METTL3: variants seen among roughly 807,000 people sequenced by gnomAD.
METTL3 encodes N(6)-adenosine-methyltransferase catalytic subunit METTL3.
Under a neutral mutation model 64.3 loss-of-function variants are expected in METTL3, and 42 were observed. That is an observed-to-expected ratio of 0.65 (90% CI 0.51 to 0.84). The LOEUF (loss-of-function observed/expected upper bound fraction) is 0.84. Among genes scored for constraint, METTL3 ranks in the 40% least tolerant of loss-of-function variants. The pLI is 0.00. For missense variants in METTL3, 435 were observed against 722.3 expected (o/e 0.60, Z 4.56); for synonymous variants, 256 against 263.6 (o/e 0.97, Z 0.28).
At chr14:21,501,958 A>C in intron 3 of METTL3, 55 bp from the exon 4 acceptor site, 1 of 1,505,872 alleles carries the variant, frequency 6.6e-7, no homozygotes, top group Non-Finnish European at 9.1e-7. Context: ...ATTGGCTCTT[A>C]GACCAACTCC....
In METTL3 at chr14:21,501,765, T is replaced by C. The variant is rs1194701276; in HGVS notation, c.862A>G (p.Ser288Gly). 5.6e-6 allele frequency: 9 copies of C among 1,614,098 alleles called. No individual in the cohort carries two copies. The highest frequency in any genetic ancestry group is 2.7e-5 in the African/African-American group (2 of 74,932). Residue 288 changes from serine to glycine, a missense_variant, in exon 4 of 11, where the codon AGT (serine) becomes GGT (glycine). Coordinates refer to ENST00000298717, the MANE Select transcript of METTL3 (RefSeq NM_019852.5). Reference protein sequence around the residue: ...YGTKEECMKASDADRPCRKLH... With the variant: ...YGTKEECMKAGDADRPCRKLH... ...TTGCGACAGGGTCGATCAGCATCAC[T>C]GGCTTTCATGCACTCCTCCTTGGTT...
chr14:21,498,180 C>G lies in METTL3; in HGVS notation c.*78G>C. 1.2e-6 allele frequency: 1 copy of G among 839,312 alleles called. No individual in the cohort carries two copies. The highest frequency in any genetic ancestry group is 2.4e-5 in the East Asian group (1 of 41,066). The allele number at this position is 839,312 out of a possible 1,614,324, so 52.0% of individuals were successfully genotyped here. A position where few individuals can be genotyped will look rare whatever the true frequency, so the allele number is the denominator to read the frequency against. On this transcript the variant is annotated 3_prime_UTR_variant, in exon 11 of 11. Coordinates refer to ENST00000298717, the MANE Select transcript of METTL3 (RefSeq NM_019852.5). Reference sequence around the variant, plus strand: ...ATGTTTATTTAAATAAAGAAGAAAGCTATTGTACAAATATCACTCTTCAGG... The same window carrying G: ...ATGTTTATTTAAATAAAGAAGAAAGGTATTGTACAAATATCACTCTTCAGG...
At position 21,511,233 on chromosome 14, in the gene METTL3, C is replaced by A; in HGVS notation, c.-10G>T. 1 of 1,612,382 alleles carries A rather than the reference C, an allele frequency of 6.2e-7. No homozygotes were observed. On this transcript the variant is annotated 5_prime_UTR_variant, in exon 1 of 11. Coordinates refer to ENST00000298717, the MANE Select transcript of METTL3 (RefSeq NM_019852.5). ...TCCACGTGTCCGACATCCTAGTCTC[C>A]CAGCCCTGACACCTCTCGAATAAGG...
rs913395624 is a variant in METTL3, at chr14:21,504,094, C to G, written c.101-213G>C. 5 of 552,962 alleles carry G rather than the reference C, an allele frequency of 9.0e-6. No homozygotes were observed. The African/African-American group carries it at 9.4e-5, about 10-fold the overall frequency. 34.3% of individuals were successfully genotyped at this position (552,962 alleles called of 1,614,324 possible). A position where few individuals can be genotyped will look rare whatever the true frequency, so the allele number is the denominator to read the frequency against. On this transcript the variant is annotated intron_variant, in intron 1 of 10. Coordinates refer to ENST00000298717, the MANE Select transcript of METTL3 (RefSeq NM_019852.5). ...ATACTGGATTTTCTATCTACCTTTT[C>G]TCTATTGAGTGAGTAATCTTTTCCT... is the stretch of plus-strand genomic sequence containing the variant.
intron 1 of METTL3, chr14:21,504,155 A>G: frequency 2.5e-6 from 1 of 403,434 alleles, no homozygotes; most frequent in Non-Finnish European, 4.6e-6. Context: ...AAGAAAGTAA[A>G]TTAGCATGAT....
At chr14:21,501,412 A>C (rs933677379) in intron 4 of METTL3, 2 of 547,140 alleles carry the variant, frequency 3.7e-6, no homozygotes, top group Non-Finnish European at 6.5e-6. Context: ...CTGACCTAAG[A>C]GTTTAGGTTC....
chr14:21,502,900 A>G (rs950471625), intron 3 of METTL3: 1 of 362,182 alleles, frequency 2.8e-6, no homozygotes, highest in Non-Finnish European at 5.0e-6. Context: ...GGGACAGACA[A>G]CTGTTTGTTG....
At chr14:21,504,972 GAA>G (rs1014584678) in intron 1 of METTL3, 9 of 152,014 alleles carry the variant, frequency 5.9e-5, no homozygotes, top group South Asian at 2.1e-4. Flanking sequence ...TCATTAATTT[GAA>G]AATTTTCCAC....
chr14:21,499,414 T>C (rs1184521441), intron 8 of METTL3, 43 bp from the exon 9 acceptor site: 7 of 1,612,976 alleles, frequency 4.3e-6, no homozygotes, highest in Non-Finnish European at 5.9e-6. Flanking sequence ...AACCACACCT[T>C]TGAACTTTTT....
At chr14:21,499,198 A>G (rs902896795) in intron 9 of METTL3, 61 bp from the exon 10 acceptor site, 9 of 1,578,378 alleles carry the variant, frequency 5.7e-6, no homozygotes, top group East Asian at 2.2e-5. Context: ...AGCCCTTTCT[A>G]TTATGTTTAT....
intron 5 of METTL3, 82 bp downstream of exon 5, chr14:21,500,831 T>C (rs1450165463): frequency 4.8e-6 from 7 of 1,455,240 alleles, no homozygotes; most frequent in Non-Finnish European, 6.6e-6. Flanking sequence ...TGCTGAATTA[T>C]GCTCTGCTTT....
intron 6 of METTL3, 150 bp from the exon 7 acceptor site, chr14:21,499,952 G>A (rs1182141361): frequency 2.8e-6 from 2 of 720,874 alleles, no homozygotes; most frequent in African/African-American, 1.8e-5. Context: ...GTGGATCTAA[G>A]AACGAAAAGA....
chr14:21,508,851 G>GC (rs1301612886), intron 1 of METTL3, among the ~76,000 whole-genome samples: 2 of 152,132 alleles, frequency 1.3e-5, no homozygotes, highest in Non-Finnish European at 2.9e-5. Flanking sequence ...CCAAGATCGC[G>GC]CCATTGCACT....
At position 21,503,660 on chromosome 14, in the gene METTL3, T is replaced by C; in HGVS notation, c.318+4A>G. The C allele has an allele frequency of 6.2e-7, 1 of 1,614,186 alleles. No homozygotes were observed. Among genetic ancestry groups the C allele is most frequent in the Non-Finnish European group, 8.5e-7 (1 of 1,180,004 alleles). ...GGTAAATCCTAACTCTGTCAGGTCA[T>C]TACCGTGGAGATGGCAAGACAGATG... On this transcript the variant is annotated splice_donor_region_variant and intron_variant, in intron 2 of 10. Coordinates refer to ENST00000298717, the MANE Select transcript of METTL3 (RefSeq NM_019852.5).
At chr14:21,504,219 G>T in intron 1 of METTL3, 2 of 272,130 alleles carry the variant, frequency 7.3e-6, no homozygotes, top group South Asian at 4.0e-5. Context: ...ATAAAGGACA[G>T]GAATATACTC....
intron 5 of METTL3, 87 bp downstream of exon 5, chr14:21,500,826 A>C (rs1891548498): frequency 6.9e-7 from 1 of 1,445,694 alleles, no homozygotes; most frequent in Non-Finnish European, 9.4e-7. Flanking sequence ...AAGATTGCTG[A>C]ATTATGCTCT....
rs768461680 is a variant in METTL3, at chr14:21,511,239, C to G, written c.-16G>C. 44 of 1,611,374 alleles carry G rather than the reference C, an allele frequency of 2.7e-5. No homozygotes were observed. The highest frequency in any genetic ancestry group is 3.6e-5 in the Non-Finnish European group (42 of 1,178,942). On this transcript the variant is annotated 5_prime_UTR_variant, in exon 1 of 11. Coordinates refer to ENST00000298717, the MANE Select transcript of METTL3 (RefSeq NM_019852.5). ...TGTCCGACATCCTAGTCTCCCAGCC[C>G]TGACACCTCTCGAATAAGGCGCGGC...
chr14:21,511,276 T>C lies in METTL3; in HGVS notation c.-53A>G, dbSNP rs1891832509. ...GAATAAGGCGCGGCGGACTAGCACCTCCCAGCACTCGCTCCAGGATATAGC... is the reference window on the plus strand; with the variant it reads ...GAATAAGGCGCGGCGGACTAGCACCCCCCAGCACTCGCTCCAGGATATAGC... On this transcript the variant is annotated 5_prime_UTR_variant, in exon 1 of 11. Coordinates refer to ENST00000298717, the MANE Select transcript of METTL3 (RefSeq NM_019852.5). The C allele has an allele frequency of 1.3e-6, 2 of 1,577,274 alleles. No homozygotes were observed. The highest frequency in any genetic ancestry group is 2.4e-5 in the East Asian group (1 of 42,370).
chr14:21,505,704 C>G (rs1169049349), intron 1 of METTL3, among the ~76,000 whole-genome samples: 1 of 152,112 alleles, frequency 6.6e-6, no homozygotes, highest in Non-Finnish European at 1.5e-5. Context: ...CGGTTACTGT[C>G]CAGAAAATGA....
Sources: allele counts gnomAD v4.1 joint callset (sites outside exome capture counted in the v4.1 genomes callset), GRCh38; gene constraint gnomAD v4.1.1; transcripts MANE v1.5; gene names NCBI Gene and HGNC (gene_info 2026-07-23, HGNC 2026-07-21).